The following UNC5D variants were observed in gnomAD, a reference collection of about 807,000 sequenced individuals.
UNC5D encodes the protein unc-5 netrin receptor D.
Under a neutral mutation model 105.4 loss-of-function variants are expected in UNC5D, and 39 were observed. The ratio of observed to expected loss-of-function variants is 0.37; its 90% CI spans 0.29 to 0.48. UNC5D has a LOEUF of 0.48. Ranked by LOEUF, UNC5D falls within the 20% of genes least tolerant of loss-of-function variation. UNC5D has a pLI of 0.98. For missense variants in UNC5D, 991 were observed against 1,202.4 expected (o/e 0.82, Z 2.60); for synonymous variants, 452 against 450.4 (o/e 1.00, Z -0.04).
At chr8:35,522,915 TG>T (rs1459747393) in intron 1 of UNC5D, among the ~76,000 whole-genome samples, 1 of 152,216 alleles carries the variant, frequency 6.6e-6, no homozygotes, top group East Asian at 1.9e-4. Context: ...TACCTTGCTC[TG>T]AAAACTTGCT....
intron 1 of UNC5D, among the ~76,000 whole-genome samples, chr8:35,505,399 A>G (rs538904861): frequency 1.2e-4 from 19 of 152,310 alleles, no homozygotes; most frequent in African/African-American, 3.6e-4. Context: ...TGAAGAAACT[A>G]AATCAGTTCT....
chr8:35,676,526 C>T (rs1240950071), intron 4 of UNC5D, among the ~76,000 whole-genome samples: 3 of 152,168 alleles, frequency 2.0e-5, no homozygotes, highest in Admixed American at 1.3e-4. Flanking sequence ...TTATTGATCC[C>T]ATAATGCTAA....
At chr8:35,405,048 AAT>A (rs1317461288) in intron 1 of UNC5D, among the ~76,000 whole-genome samples, 2 of 152,368 alleles carry the variant, frequency 1.3e-5, no homozygotes, top group Admixed American at 1.3e-4. Flanking sequence ...ATATTTAAAA[AAT>A]ATATTTGGAT....
intron 1 of UNC5D, among the ~76,000 whole-genome samples, chr8:35,340,284 A>G (rs1811368532): frequency 6.6e-6 from 1 of 152,186 alleles, no homozygotes; most frequent in Non-Finnish European, 1.5e-5. Flanking sequence ...CTGTAAACAG[A>G]CATATTCCTG....
chr8:35,402,726 T>C (rs1804552314), intron 1 of UNC5D, among the ~76,000 whole-genome samples: 2 of 152,178 alleles, frequency 1.3e-5, no homozygotes, highest in Non-Finnish European at 2.9e-5. Flanking sequence ...ATGCTTAGTT[T>C]CCTGCTACTG....
chr8:35,430,738 G>T, intron 1 of UNC5D, among the ~76,000 whole-genome samples: 1 of 152,150 alleles, frequency 6.6e-6, no homozygotes, highest in Non-Finnish European at 1.5e-5. Flanking sequence ...GAATTATTCT[G>T]TGTTGCATGA....
chr8:35,410,067 C>G (rs1323246370), intron 1 of UNC5D, among the ~76,000 whole-genome samples: 1 of 151,298 alleles, frequency 6.6e-6, no homozygotes, highest in African/African-American at 2.5e-5. Flanking sequence ...ATTTTCCAAT[C>G]TACCACCATG....
intron 13 of UNC5D, among the ~76,000 whole-genome samples, chr8:35,754,645 C>A (rs774366978): frequency 6.6e-6 from 1 of 152,114 alleles, no homozygotes; most frequent in Non-Finnish European, 1.5e-5. Context: ...ATGGGCCCAC[C>A]ATAGAATATT....
chr8:35,768,679 CCTTG>C (rs1801880194), intron 15 of UNC5D, among the ~76,000 whole-genome samples: 1 of 152,118 alleles, frequency 6.6e-6, no homozygotes, highest in Non-Finnish European at 1.5e-5. Context: ...TATTTTTGCT[CCTTG>C]CTTAATAAAT....
chr8:35,642,191 C>G (rs530898766), intron 4 of UNC5D, among the ~76,000 whole-genome samples: 1 of 152,220 alleles, frequency 6.6e-6, no homozygotes, highest in South Asian at 2.1e-4. Flanking sequence ...TTCACACATT[C>G]ATACGATCAG....
At chr8:35,560,366 G>A (rs1409762135) in intron 2 of UNC5D, among the ~76,000 whole-genome samples, 5 of 152,094 alleles carry the variant, frequency 3.3e-5, no homozygotes, top group Admixed American at 6.5e-5. Flanking sequence ...TCTTAAAGCC[G>A]CATTCCTTGG....
chr8:35,327,636 G>T (rs876114), intron 1 of UNC5D, among the ~76,000 whole-genome samples: 124,362 of 151,686 alleles, frequency 0.82, 51,405 homozygotes, highest in East Asian at 1. Context: ...GTTGTGGGGG[G>T]GGGATCTGGA....
chr8:35,558,628 A>G (rs1212786195), intron 2 of UNC5D, among the ~76,000 whole-genome samples: 39 of 152,164 alleles, frequency 2.6e-4, no homozygotes, highest in Non-Finnish European at 2.9e-5. Flanking sequence ...CAGGCATCAC[A>G]GGGGCTGAGA....
At chr8:35,712,857 A>T (rs1211068894) in intron 8 of UNC5D, among the ~76,000 whole-genome samples, 5 of 152,178 alleles carry the variant, frequency 3.3e-5, no homozygotes, top group Non-Finnish European at 7.4e-5. Context: ...ACTGGCATTG[A>T]AGCTGATGCT....
intron 1 of UNC5D, among the ~76,000 whole-genome samples, chr8:35,523,407 T>C (rs1411857973): frequency 6.6e-6 from 1 of 152,056 alleles, no homozygotes; most frequent in Non-Finnish European, 1.5e-5. Flanking sequence ...ATCTGCAACA[T>C]TAATTCACAA....
intron 1 of UNC5D, among the ~76,000 whole-genome samples, chr8:35,357,764 T>C (rs1801641764): frequency 6.6e-6 from 1 of 152,154 alleles, no homozygotes; most frequent in African/African-American, 2.4e-5. Context: ...AAGCCAATTG[T>C]ATATATGCTT....
chr8:35,580,008 C>G (rs552880649), intron 3 of UNC5D, among the ~76,000 whole-genome samples: 34 of 152,150 alleles, frequency 2.2e-4, no homozygotes, highest in Admixed American at 1.0e-3. Context: ...GTAAAATTAG[C>G]TAGAGTTTAT....
At chr8:35,532,266 T>G (rs1300255846) in intron 1 of UNC5D, among the ~76,000 whole-genome samples, 1 of 151,692 alleles carries the variant, frequency 6.6e-6, no homozygotes, top group Non-Finnish European at 1.5e-5. Flanking sequence ...TCTCAGCATT[T>G]GCTTGTCTGT....
intron 1 of UNC5D, among the ~76,000 whole-genome samples, chr8:35,423,824 G>A (rs4739407): frequency 0.53 from 79,450 of 151,116 alleles, 21,528 homozygotes; most frequent in African/African-American, 0.67. Flanking sequence ...AGAAGAGTTT[G>A]TAAACTGGAA....
Sources: allele counts gnomAD v4.1 joint callset (sites outside exome capture counted in the v4.1 genomes callset), GRCh38; gene constraint gnomAD v4.1.1; transcripts MANE v1.5; gene names NCBI Gene and HGNC (gene_info 2026-07-23, HGNC 2026-07-21).